Variants in MALRD1 observed in about 807,000 individuals in gnomAD.
MALRD1 encodes the protein MAM and LDL receptor class A domain containing 1.
In MALRD1, 247 loss-of-function variants were observed where a neutral mutation model predicts 242.1. The ratio of observed to expected loss-of-function variants is 1.02; its 90% confidence interval spans 0.92 to 1.13. The LOEUF (loss-of-function observed/expected upper bound fraction) is 1.13. Among genes scored for constraint, MALRD1 ranks in the 50% most tolerant of loss-of-function variants. The pLI is 0.00. For synonymous variants in MALRD1, 995 were observed against 866.6 expected (o/e 1.15, Z -2.60); for missense variants, 2,989 against 2,533.1 (o/e 1.18, Z -3.86).
intron 14 of MALRD1, among the ~76,000 whole-genome samples, chr10:19,187,845 T>C (rs1052222881): frequency 1.3e-5 from 2 of 152,148 alleles, no homozygotes; most frequent in African/African-American, 4.8e-5. Flanking sequence ...AAACTACCTA[T>C]TGGGTACTGT....
chr10:19,054,036 A>C (rs1482747760), intron 1 of MALRD1, among the ~76,000 whole-genome samples: 1 of 152,114 alleles, frequency 6.6e-6, no homozygotes, highest in Non-Finnish European at 1.5e-5. Flanking sequence ...GTTGATGAGA[A>C]TCCCTCTTTT....
At chr10:19,521,352 T>C (rs1833875100) in intron 31 of MALRD1, among the ~76,000 whole-genome samples, 1 of 152,122 alleles carries the variant, frequency 6.6e-6, no homozygotes, top group Non-Finnish European at 1.5e-5. Flanking sequence ...CACATCATAC[T>C]TTTTGTCTTC....
chr10:19,642,317 C>CT (rs1003538026), intron 36 of MALRD1, among the ~76,000 whole-genome samples: 1 of 151,912 alleles, frequency 6.6e-6, no homozygotes, highest in Non-Finnish European at 1.5e-5. Context: ...TAAAATTTTT[C>CT]TTTTTTTAAT....
rs534232628 is a variant in MALRD1 at position 19,414,683 on chromosome 10, G to A, written c.4845+25074G>A. Among the ~76,000 whole-genome samples, 69 of 152,254 alleles carry A rather than the reference G, an allele frequency of 4.5e-4. 2 individuals carry two copies. The South Asian group carries it at 0.014, about 31-fold the overall frequency. ...TAATAGTGACTTCACGGAGTGTAGG[G>A]GAAGGGAAAGGAGGGCTTTGTGAAA... On this transcript the variant is annotated intron_variant, in intron 28 of 39. Coordinates refer to ENST00000454679, the MANE Select transcript of MALRD1 (RefSeq NM_001142308.3).
intron 21 of MALRD1, among the ~76,000 whole-genome samples, chr10:19,302,414 A>G (rs1841990717): frequency 6.6e-6 from 1 of 151,858 alleles, no homozygotes. Context: ...ATGGACAAAC[A>G]AAAATGTTAT....
At chr10:19,283,371 A>T (rs1329154557) in intron 21 of MALRD1, among the ~76,000 whole-genome samples, 190 bp downstream of exon 21, 5 of 152,222 alleles carry the variant, frequency 3.3e-5, no homozygotes, top group African/African-American at 1.2e-4. Flanking sequence ...TGCTCTTGTG[A>T]ATTTCATAGA....
At chr10:19,406,443 G>A (rs998571053) in intron 28 of MALRD1, among the ~76,000 whole-genome samples, 1 of 152,060 alleles carries the variant, frequency 6.6e-6, no homozygotes, top group Non-Finnish European at 1.5e-5. Flanking sequence ...CTGTTTGGAT[G>A]GGTGTTCATT....
chr10:19,224,056 G>C lies in MALRD1; in HGVS notation c.2991+14376G>C, dbSNP rs117414370. Reference sequence around the variant, plus strand: ...TAGAATGATTTATAATCCTTTGGATGTGTACCTAGTAATGAGATTGTTAGG... The same window carrying C: ...TAGAATGATTTATAATCCTTTGGATCTGTACCTAGTAATGAGATTGTTAGG... On this transcript the variant is annotated intron_variant, in intron 18 of 39. Transcript: ENST00000454679. Among the ~76,000 whole-genome samples the C allele has an allele frequency of 1.2e-3, 182 of 152,240 alleles. 1 individual carries two copies. In the East Asian group the frequency reaches 0.028, roughly 23 times the overall value.
At chr10:19,286,491 T>G (rs1841126552) in intron 21 of MALRD1, among the ~76,000 whole-genome samples, 1 of 152,212 alleles carries the variant, frequency 6.6e-6, no homozygotes, top group Admixed American at 6.6e-5. Flanking sequence ...AAAGGCTTTT[T>G]CTGCATCTAT....
rs1364563268 is a variant in MALRD1 at position 19,205,067 on chromosome 10, A to G, written c.2380A>G (p.Lys794Glu). 3 of 1,550,640 alleles carry G rather than the reference A, an allele frequency of 1.9e-6. No individual in the cohort carries two copies. The African/African-American group carries it at 4.1e-5, about 21-fold the overall frequency. The change falls in exon 17 of 40, where the codon AAA becomes GAA. Residue 794 changes from lysine (K) to glutamate (E), a missense_variant. Physicochemically the swap from Lys to Glu is moderately conservative, Grantham distance 56. Transcript: ENST00000454679. ...GCAGCCCTTCCATTTGTCACTAGAT[A>G]AAGTCAGTCTGGGCATTTATGATGG... Reference protein sequence around the residue: ...LSQPFHLSLDKVSLGIYDGVS... With the variant: ...LSQPFHLSLDEVSLGIYDGVS...
chr10:19,573,421 G>T (rs1016378256), intron 33 of MALRD1, among the ~76,000 whole-genome samples: 1 of 152,174 alleles, frequency 6.6e-6, no homozygotes, highest in African/African-American at 2.4e-5. Context: ...AGAAGAGACA[G>T]CAAGGAAGTG....
intron 28 of MALRD1, among the ~76,000 whole-genome samples, chr10:19,440,186 CG>C (rs754550020): frequency 2.0e-5 from 3 of 152,010 alleles, no homozygotes; most frequent in Non-Finnish European, 4.4e-5. Flanking sequence ...GCATTGACTT[CG>C]GGAGAGTTCT....
At chr10:19,550,664 G>A (rs527398831) in intron 32 of MALRD1, among the ~76,000 whole-genome samples, 3 of 152,188 alleles carry the variant, frequency 2.0e-5, no homozygotes, top group African/African-American at 4.8e-5. Flanking sequence ...GTCCCTGCAC[G>A]GGATGTGATC....
At chr10:19,723,063 C>T (rs1404575478) in intron 38 of MALRD1, among the ~76,000 whole-genome samples, 1 of 152,078 alleles carries the variant, frequency 6.6e-6, no homozygotes, top group Non-Finnish European at 1.5e-5. Flanking sequence ...GGGTGAGTTA[C>T]CACATTGGAG....
intron 28 of MALRD1, among the ~76,000 whole-genome samples, chr10:19,422,181 T>C (rs1320676858): frequency 2.6e-5 from 4 of 152,212 alleles, no homozygotes; most frequent in Non-Finnish European, 4.4e-5. Flanking sequence ...TAACCTCATG[T>C]TGGCATTACT....
intron 1 of MALRD1, among the ~76,000 whole-genome samples, chr10:19,062,544 A>G (rs553736751): frequency 6.6e-6 from 1 of 152,254 alleles, no homozygotes; most frequent in Admixed American, 6.5e-5. Flanking sequence ...CCATTGACAG[A>G]TGAATGGATA....
intron 31 of MALRD1, among the ~76,000 whole-genome samples, chr10:19,527,841 A>G (rs1368907099): frequency 6.6e-6 from 1 of 152,216 alleles, no homozygotes; most frequent in Non-Finnish European, 1.5e-5. Context: ...AGTTGGTCTG[A>G]TAAAGTGCAG....
At chr10:19,485,267 C>T (rs1183825509) in intron 29 of MALRD1, among the ~76,000 whole-genome samples, 1 of 152,132 alleles carries the variant, frequency 6.6e-6, no homozygotes, top group Non-Finnish European at 1.5e-5. Context: ...GCAGTAAAAG[C>T]CTAGACTTTA....
At chr10:19,252,793 A>T (rs1839353224) in intron 18 of MALRD1, among the ~76,000 whole-genome samples, 1 of 152,042 alleles carries the variant, frequency 6.6e-6, no homozygotes, top group Admixed American at 6.6e-5. Flanking sequence ...AGCTTTGTGT[A>T]TGTGATAGAG....
Sources: allele counts gnomAD v4.1 joint callset (sites outside exome capture counted in the v4.1 genomes callset), GRCh38; gene constraint gnomAD v4.1.1; transcripts MANE v1.5; gene names NCBI Gene and HGNC (gene_info 2026-07-23, HGNC 2026-07-21).